Variants in FYN observed in about 807,000 individuals in gnomAD.
The protein encoded by FYN is FYN proto-oncogene, Src family tyrosine kinase, also known as tyrosine-protein kinase Fyn.
Under a neutral mutation model 70.2 loss-of-function variants are expected in FYN, and 10 were observed. That is an observed-to-expected ratio of 0.14 (90% CI 0.09 to 0.24). The LOEUF (loss-of-function observed/expected upper bound fraction) is 0.24, where lower values mean the gene tolerates loss of function less well. Among genes scored for constraint, FYN ranks in the 10% least tolerant of loss-of-function variants. The pLI is 1.00. For missense variants in FYN, 319 were observed against 673.1 expected (o/e 0.47, Z 5.82); for synonymous variants, 236 against 248.6 (o/e 0.95, Z 0.48).
At position 111,873,435 on chromosome 6, in the gene FYN, T is replaced by C. The variant is rs1278713047; in HGVS notation, c.-590A>G. On this transcript the variant is annotated 5_prime_UTR_variant, in exon 1 of 14. Coordinates refer to ENST00000354650, the MANE Select transcript of FYN (RefSeq NM_002037.5). ...CGCCACCAGCGCGGCTGCTCGCTGC[T>C]ACTCTTGCTGATGCTCTGCCCCTCC... The C allele has an allele frequency of 6.6e-6, 1 of 151,798 alleles. No homozygotes were observed. Among genetic ancestry groups the C allele is most frequent in the Admixed American group, 6.6e-5 (1 of 15,258 alleles). The allele number at this position is 151,798 out of a possible 1,614,324, so 9.4% of individuals were successfully genotyped here.
chr6:111,745,329 A>C (rs2128482299), intron 3 of FYN, among the ~76,000 whole-genome samples: 1 of 152,304 alleles, frequency 6.6e-6, no homozygotes, highest in South Asian at 2.1e-4. Context: ...AGAAACACAT[A>C]CAGTGTTCTT....
intron 1 of FYN, among the ~76,000 whole-genome samples, chr6:111,848,830 AAT>A (rs1198955505): frequency 3.3e-5 from 5 of 152,360 alleles, no homozygotes; most frequent in Middle Eastern, 3.4e-3. Context: ...GTTTAAGTGA[AAT>A]AGAGATACTT....
At chr6:111,816,190 T>C (rs1288640154) in intron 2 of FYN, among the ~76,000 whole-genome samples, 1 of 152,198 alleles carries the variant, frequency 6.6e-6, no homozygotes, top group South Asian at 2.1e-4. Context: ...TTCAAAAATA[T>C]GGCATCTATT....
intron 2 of FYN, among the ~76,000 whole-genome samples, chr6:111,828,152 T>C (rs1329991405): frequency 6.6e-6 from 1 of 152,172 alleles, no homozygotes; most frequent in Non-Finnish European, 1.5e-5. Context: ...GGAAACTTAA[T>C]GGCCAAATTC....
chr6:111,840,275 G>T (rs1773318097), intron 2 of FYN, among the ~76,000 whole-genome samples: 1 of 152,140 alleles, frequency 6.6e-6, no homozygotes, highest in Non-Finnish European at 1.5e-5. Context: ...GATTTGAGAG[G>T]AAGAGCTTAT....
intron 3 of FYN, among the ~76,000 whole-genome samples, chr6:111,740,380 T>A (rs1801906952): frequency 6.6e-6 from 1 of 152,162 alleles, no homozygotes; most frequent in Non-Finnish European, 1.5e-5. Flanking sequence ...TCATACCAGA[T>A]TCCTATGCAG....
At chr6:111,862,952 T>C (rs1304477493) in intron 1 of FYN, among the ~76,000 whole-genome samples, 1 of 152,190 alleles carries the variant, frequency 6.6e-6, no homozygotes, top group African/African-American at 2.4e-5. Flanking sequence ...GAGATGGTAA[T>C]GGGCTTCTGG....
intron 2 of FYN, among the ~76,000 whole-genome samples, chr6:111,801,619 G>A (rs1771988171): frequency 6.6e-6 from 1 of 152,150 alleles, no homozygotes; most frequent in African/African-American, 2.4e-5. Flanking sequence ...GTAAACTGGG[G>A]AGTCTCTCCA....
chr6:111,788,236 G>A (rs1441755123), intron 2 of FYN, among the ~76,000 whole-genome samples: 2 of 152,188 alleles, frequency 1.3e-5, no homozygotes, highest in Non-Finnish European at 2.9e-5. Flanking sequence ...AGGTCCTTGA[G>A]GGCAAGAATG....
chr6:111,858,676 C>T (rs1424769447), intron 1 of FYN, among the ~76,000 whole-genome samples: 1 of 152,024 alleles, frequency 6.6e-6, no homozygotes, highest in African/African-American at 2.4e-5. Flanking sequence ...TTCTGTCCTC[C>T]CCTTGAAGTG....
intron 2 of FYN, among the ~76,000 whole-genome samples, chr6:111,806,459 C>G (rs915144172): frequency 3.3e-5 from 5 of 152,216 alleles, no homozygotes; most frequent in African/African-American, 1.2e-4. Flanking sequence ...CAAGATGACC[C>G]TTCACCTTCA....
chr6:111,861,741 T>G (rs1773968986), intron 1 of FYN, among the ~76,000 whole-genome samples: 1 of 152,242 alleles, frequency 6.6e-6, no homozygotes, highest in Admixed American at 6.5e-5. Flanking sequence ...AGACCAACAC[T>G]GCCTGTTGTG....
chr6:111,745,400 G>A (rs1340179432), intron 3 of FYN, among the ~76,000 whole-genome samples: 1 of 152,186 alleles, frequency 6.6e-6, no homozygotes, highest in Non-Finnish European at 1.5e-5. Context: ...CAGAGGATGG[G>A]CATCTGAGTG....
rs115509387 is a variant in FYN, at chr6:111,761,858, T to C, written c.-12+18708A>G. Among the ~76,000 whole-genome samples, 368 of 152,264 alleles carry C rather than the reference T, an allele frequency of 2.4e-3. 1 individual carries two copies. The highest frequency in any genetic ancestry group is 8.6e-3 in the African/African-American group (359 of 41,540). On this transcript the variant is annotated intron_variant, in intron 3 of 13. Transcript: ENST00000354650. ...TGTACTTTTAGCAAAAAAAATGCTCTCGAGAATCCCCTGGACAGGCTATCT... is the reference window on the plus strand; with the variant it reads ...TGTACTTTTAGCAAAAAAAATGCTCCCGAGAATCCCCTGGACAGGCTATCT...
At chr6:111,715,296 G>C (rs1021555264) in intron 4 of FYN, among the ~76,000 whole-genome samples, 1 of 151,656 alleles carries the variant, frequency 6.6e-6, no homozygotes. Flanking sequence ...GCCCAGGCTG[G>C]TCTCGAATTC....
rs1206243277 is a variant in FYN at position 111,847,942 on chromosome 6, C to A, written c.-122-1313G>T. The stretch of plus-strand genomic sequence containing the variant: ...AGCAACCCATATCATCTCACCTCTT[C>A]CTGGGTTCTGAGACATGCTGTCCTG... On this transcript the variant is annotated intron_variant, in intron 1 of 13. Coordinates refer to ENST00000354650, the MANE Select transcript of FYN (RefSeq NM_002037.5). Among the ~76,000 whole-genome samples, 5 of 152,216 alleles carry A rather than the reference C, an allele frequency of 3.3e-5. No individual in the cohort carries two copies. The East Asian group carries it at 7.7e-4, about 23-fold the overall frequency.
intron 1 of FYN, among the ~76,000 whole-genome samples, chr6:111,870,833 T>C (rs1774250294): frequency 6.6e-6 from 1 of 152,192 alleles, no homozygotes; most frequent in Non-Finnish European, 1.5e-5. Flanking sequence ...TTCAACCTTA[T>C]CATTAAGTCT....
In FYN at chr6:111,731,812, G is replaced by A. The variant is rs548049249; in HGVS notation, c.-11-11750C>T. Among the ~76,000 whole-genome samples, 30 of 152,328 alleles carry A rather than the reference G, an allele frequency of 2.0e-4. No homozygotes were observed. In the South Asian group the frequency reaches 5.8e-3, roughly 29 times the overall value. On this transcript the variant is annotated intron_variant, in intron 3 of 13. Coordinates refer to ENST00000354650, the MANE Select transcript of FYN (RefSeq NM_002037.5). ...TTATTGCCTGAAGGAAAGGAGGATG[G>A]TCTCTGCCTTCCCTGATGTTGGTTT...
At chr6:111,698,014 A>C (rs1799648995) in intron 9 of FYN, among the ~76,000 whole-genome samples, 1 of 152,266 alleles carries the variant, frequency 6.6e-6, no homozygotes, top group African/African-American at 2.4e-5. Context: ...TCATACATAT[A>C]TATGTGTATG....
Sources: gnomAD v4.1 joint callset for allele counts (sites outside exome capture counted in the v4.1 genomes callset) on GRCh38, gnomAD v4.1.1 for gene constraint, MANE v1.5 for transcripts, NCBI Gene and HGNC (gene_info 2026-07-23, HGNC 2026-07-21) for gene names.